HCN3: variants seen among roughly 807,000 people sequenced by gnomAD.
HCN3 encodes the protein potassium/sodium hyperpolarization-activated cyclic nucleotide-gated channel 3.
A neutral mutation model predicts 56.8 loss-of-function variants in HCN3; 36 were observed. The ratio of observed to expected loss-of-function variants is 0.63; its 90% CI spans 0.49 to 0.84. The LOEUF is 0.84. Ranked by LOEUF, HCN3 falls within the 40% of genes least tolerant of loss-of-function variation. HCN3 has a pLI of 0.00. For synonymous variants in HCN3, 425 were observed against 439.7 expected (o/e 0.97, Z 0.42); for missense variants, 930 against 1,079.3 (o/e 0.86, Z 1.94).
Position 155,284,604 on chromosome 1 carries a change from T to C in HCN3, c.936T>C (p.Ile312=). The change falls in exon 4 of 8, where the codon ATT becomes ATC. Residue 312 remains isoleucine (I), a synonymous_variant. Transcript: ENST00000368358. The surrounding 1 kb of genome is among the most constrained non-coding windows in gnomAD (Gnocchi z 4.3). ...AGGCCATGAGCCACATGCTGTGCAT[T>C]GGCTATGGGCAGCAGGCACCTGTAG... ...LFKAMSHMLC[I]GYGQQAPVGM... is the part of the protein sequence containing the mutation. The C allele has an allele frequency of 6.2e-7, 1 of 1,613,972 alleles. No homozygotes were observed. The highest frequency in any genetic ancestry group is 8.5e-7 in the Non-Finnish European group (1 of 1,180,050).
intron 1 of HCN3, among the ~76,000 whole-genome samples, chr1:155,279,262 C>T (rs1356681055): frequency 6.6e-6 from 1 of 152,192 alleles, no homozygotes; most frequent in Non-Finnish European, 1.5e-5. Context: ...CTGAGATTTT[C>T]CTGTGCCATT....
chr1:155,288,180 C>A lies in HCN3; in HGVS notation c.2042C>A (p.Ala681Asp), dbSNP rs772845242. 1.3e-6 allele frequency: 2 copies of A among 1,576,322 alleles called. No homozygotes were observed. The highest frequency in any genetic ancestry group is 1.7e-6 in the Non-Finnish European group (2 of 1,166,274). The change falls in exon 8 of 8, where the codon GCC becomes GAC. Residue 681 changes from alanine to aspartate, a missense_variant. By Grantham distance (126) the Ala-to-Asp change is moderately radical. Coordinates refer to ENST00000368358, the MANE Select transcript of HCN3 (RefSeq NM_020897.3). This position sits in a 1 kb window ranked among gnomAD's most constrained non-coding sequence, Gnocchi z 6.5. ...LPAPPARTLH[A>D]SLSRAGRSQV... ...GCCCCACCTGCCCGAACCCTGCACG[C>A]CAGCCTATCCCGGGCAGGGCGCTCC... is the stretch of plus-strand genomic sequence containing the variant.
Position 155,282,899 on chromosome 1 carries a change from C to T in HCN3, c.708+59C>T, listed in dbSNP as rs1444476939. On this transcript the variant is annotated intron_variant, in intron 2 of 7. Transcript: ENST00000368358. The surrounding 1 kb of genome is among the most constrained non-coding windows in gnomAD (Gnocchi z 4.7). ...TGGGGGATGTTGGGGGAGAAGGGGG[C>T]GGGGCGGCTGGTGGACTTCTCTAGG... 7 of 258,530 alleles carry T rather than the reference C, an allele frequency of 2.7e-5. No homozygotes were observed. The highest frequency in any genetic ancestry group is 1.3e-4 in the Admixed American group (2 of 15,636). The allele number at this position is 258,530 out of a possible 1,614,324, so 16.0% of individuals were successfully genotyped here. A position where few individuals can be genotyped will look rare whatever the true frequency, so the allele number is the denominator to read the frequency against.
rs1040351947 is a variant in HCN3 at position 155,282,180 on chromosome 1, C to A, written c.279-231C>A. Among the ~76,000 whole-genome samples, 1 of 152,172 alleles carries A rather than the reference C, an allele frequency of 6.6e-6. No individual in the cohort carries two copies. The highest frequency in any genetic ancestry group is 2.4e-5 in the African/African-American group (1 of 41,432). ...CATATTTTCCTTGGATGTGTCTATA[C>A]GTAGGAATGGGATTGCTGAGTTGCA... On this transcript the variant is annotated intron_variant, in intron 1 of 7. Transcript: ENST00000368358. The surrounding 1 kb of genome is among the most constrained non-coding windows in gnomAD (Gnocchi z 4.7).
rs1253762512 is a variant in HCN3, at chr1:155,285,182, G to A, written c.1107G>A (p.Gln369=). The A allele has an allele frequency of 1.2e-6, 2 of 1,614,182 alleles. No homozygotes were observed. The change falls in exon 5 of 8, where the codon CAG becomes CAA. Residue 369 remains glutamine (Q), a synonymous_variant. Coordinates refer to ENST00000368358, the MANE Select transcript of HCN3 (RefSeq NM_020897.3). This position sits in a 1 kb window ranked among gnomAD's most constrained non-coding sequence, Gnocchi z 4.5. ...QYQEKYKQVE[Q]YMSFHKLPAD... Reference sequence around the variant, plus strand: ...CCCTCCAGTACAAGCAGGTGGAGCAGTACATGTCCTTCCACAAGCTGCCAG... The same window carrying A: ...CCCTCCAGTACAAGCAGGTGGAGCAATACATGTCCTTCCACAAGCTGCCAG...
At chr1:155,279,070 C>T (rs1387807683) in intron 1 of HCN3, among the ~76,000 whole-genome samples, 1 of 152,184 alleles carries the variant, frequency 6.6e-6, no homozygotes, top group Non-Finnish European at 1.5e-5. Flanking sequence ...AGAAGAATGG[C>T]CGAGGGTTTT....
In HCN3 at chr1:155,287,267, T is replaced by C. The variant is rs1192540409; in HGVS notation, c.1572T>C (p.Ala524=). The C allele has an allele frequency of 6.2e-7, 1 of 1,613,922 alleles. No homozygotes were observed. The highest frequency in any genetic ancestry group is 1.3e-5 in the African/African-American group (1 of 74,874). ...LYSLSVDHFN[A]VLEEFPMMRR... ...CACTCAGCGTGGACCATTTCAATGCTGTGCTTGAGGAGTTCCCCATGATGC... is the reference window on the plus strand; with the variant it reads ...CACTCAGCGTGGACCATTTCAATGCCGTGCTTGAGGAGTTCCCCATGATGC... The change falls in exon 7 of 8, where the codon GCT becomes GCC. Residue 524 remains alanine (A), a synonymous_variant. Transcript: ENST00000368358.
intron 1 of HCN3, among the ~76,000 whole-genome samples, chr1:155,281,557 C>T (rs1162346819): frequency 6.6e-6 from 1 of 151,664 alleles, no homozygotes. Context: ...TTTGTAGAGA[C>T]GAGGTTTTGC....
At position 155,282,357 on chromosome 1, in the gene HCN3, A is replaced by G. The variant is rs1674089965; in HGVS notation, c.279-54A>G. 2.0e-6 allele frequency: 3 copies of G among 1,535,982 alleles called. 1 individual carries two copies. Among genetic ancestry groups the G allele is most frequent in the South Asian group, 2.3e-5 (2 of 86,812 alleles). On this transcript the variant is annotated intron_variant, in intron 1 of 7. Transcript: ENST00000368358. The surrounding 1 kb of genome is among the most constrained non-coding windows in gnomAD (Gnocchi z 4.7). Reference sequence around the variant, plus strand: ...ATGTCAGCCTATCTTCTGTCAGTCTAGTGGCTGGTGAAATATCCTCATGGT... The same window carrying G: ...ATGTCAGCCTATCTTCTGTCAGTCTGGTGGCTGGTGAAATATCCTCATGGT...
chr1:155,284,250 A>T lies in HCN3; in HGVS notation c.870+115A>T, dbSNP rs1674187189. 1.1e-5 allele frequency: 14 copies of T among 1,261,478 alleles called. No homozygotes were observed. The highest frequency in any genetic ancestry group is 1.5e-5 in the Non-Finnish European group (14 of 906,718). The allele number at this position is 1,261,478 out of a possible 1,614,324, so 78.1% of individuals were successfully genotyped here. A position where few individuals can be genotyped will look rare whatever the true frequency, so the allele number is the denominator to read the frequency against. On this transcript the variant is annotated intron_variant, in intron 3 of 7. Coordinates refer to ENST00000368358, the MANE Select transcript of HCN3 (RefSeq NM_020897.3). The surrounding 1 kb of genome is among the most constrained non-coding windows in gnomAD (Gnocchi z 4.3). The stretch of plus-strand genomic sequence containing the variant: ...GGAGATGATCACAACAGAAAATAGG[A>T]GCGAGGAGGTGGGGAGGAGGGAGGA...
At position 155,284,493 on chromosome 1, in the gene HCN3, C is replaced by G; in HGVS notation, c.871-46C>G. On this transcript the variant is annotated intron_variant, in intron 3 of 7. Transcript: ENST00000368358. This position sits in a 1 kb window ranked among gnomAD's most constrained non-coding sequence, Gnocchi z 4.3. ...GAAAAGGGGCAGGCAGAGAATGAGG[C>G]TCCGAGGGGCCCATGCCCAGCTCTG... 1 of 1,554,848 alleles carries G rather than the reference C, an allele frequency of 6.4e-7. No homozygotes were observed. Among genetic ancestry groups the G allele is most frequent in the Non-Finnish European group, 8.8e-7 (1 of 1,138,500 alleles).
chr1:155,285,795 C>A lies in HCN3; in HGVS notation c.1308C>A (p.Phe436Leu). 6.2e-7 allele frequency: 1 copy of A among 1,614,212 alleles called. No homozygotes were observed. The highest frequency in any genetic ancestry group is 8.5e-7 in the Non-Finnish European group (1 of 1,180,026). The change falls in exon 6 of 8, where the codon TTC (phenylalanine) becomes TTA (leucine). Residue 436 changes from phenylalanine (F) to leucine (L), a missense_variant. Phe to Leu is a conservative substitution (Grantham distance 22). Transcript: ENST00000368358. The surrounding 1 kb of genome is among the most constrained non-coding windows in gnomAD (Gnocchi z 4.5). ...TGTTTGCCCATGCCGACCCCAGCTT[C>A]GTCACTGCAGTTCTCACCAAGCTGC... ...MPLFAHADPS[F>L]VTAVLTKLRF...
chr1:155,281,856 G>A (rs1362255190), intron 1 of HCN3, among the ~76,000 whole-genome samples: 1 of 152,168 alleles, frequency 6.6e-6, no homozygotes, highest in African/African-American at 2.4e-5. Flanking sequence ...CTCCTGAGTA[G>A]CTGGGACTTT....
Position 155,284,373 on chromosome 1 carries a change from G to C in HCN3, c.871-166G>C. 1 of 868,666 alleles carries C rather than the reference G, an allele frequency of 1.2e-6. No homozygotes were observed. The highest frequency in any genetic ancestry group is 1.7e-6 in the Non-Finnish European group (1 of 581,460). 53.8% of individuals were successfully genotyped at this position (868,666 alleles called of 1,614,324 possible). ...GCTGAGGCCCCCAAGTTGCAATAGA[G>C]GACCCTTTTGCCTCAGGGCCCCCCA... On this transcript the variant is annotated intron_variant, in intron 3 of 7. Transcript: ENST00000368358. The surrounding 1 kb of genome is among the most constrained non-coding windows in gnomAD (Gnocchi z 4.3).
At chr1:155,287,705 C>T (rs1223178167) in intron 7 of HCN3, 76 bp from the exon 8 acceptor site, 3 of 1,528,308 alleles carry the variant, frequency 2.0e-6, no homozygotes, top group African/African-American at 1.4e-5. Flanking sequence ...CTGATACTCT[C>T]ATACTCTTTG....
intron 6 of HCN3, 32 bp from the exon 7 acceptor site, chr1:155,287,141 G>T: frequency 2.5e-6 from 4 of 1,606,736 alleles, no homozygotes; most frequent in Non-Finnish European, 3.4e-6. Context: ...GGACAAGGAC[G>T]GGGTTCTGAA....
rs762157163 is a variant in HCN3 at position 155,282,513 on chromosome 1, C to G, written c.381C>G (p.Ile127Met). Reference protein sequence around the residue: ...FFKEENSPPWIVFNVLSDTFF... With the variant: ...FFKEENSPPWMVFNVLSDTFF... The stretch of plus-strand genomic sequence containing the variant: ...AGGAGGAGAACTCCCCGCCTTGGAT[C>G]GTCTTCAACGTATTGTCTGATACTT... Residue 127 changes from isoleucine to methionine, a missense_variant, in exon 2 of 8, where the codon ATC becomes ATG. Coordinates refer to ENST00000368358, the MANE Select transcript of HCN3 (RefSeq NM_020897.3). The surrounding 1 kb of genome is among the most constrained non-coding windows in gnomAD (Gnocchi z 4.7). The G allele has an allele frequency of 6.2e-7, 1 of 1,614,236 alleles. No individual in the cohort carries two copies. Among genetic ancestry groups the G allele is most frequent in the Admixed American group, 1.7e-5 (1 of 60,034 alleles).
At chr1:155,281,069 ATT>A (rs1195938967) in intron 1 of HCN3, among the ~76,000 whole-genome samples, 17 of 112,450 alleles carry the variant, frequency 1.5e-4, no homozygotes, top group Non-Finnish European at 1.1e-4. Context: ...CTAATTTTTA[ATT>A]TTTTTTTTTT....
chr1:155,282,421 G>A lies in HCN3; in HGVS notation c.289G>A (p.Asp97Asn). ...TCACTCCCACCTTAGGTTTTACTGG[G>A]ACCTGATCATGCTGCTGCTGATGGT... is the stretch of plus-strand genomic sequence containing the variant. Reference protein sequence around the residue: ...HPYSDFRFYWDLIMLLLMVGN... With the variant: ...HPYSDFRFYWNLIMLLLMVGN... The change falls in exon 2 of 8, where the codon GAC (aspartate) becomes AAC (asparagine). Residue 97 changes from aspartate to asparagine, a missense_variant. By Grantham distance (23) the Asp-to-Asn change is conservative. Transcript: ENST00000368358. The surrounding 1 kb of genome is among the most constrained non-coding windows in gnomAD (Gnocchi z 4.7). The A allele has an allele frequency of 1.2e-6, 2 of 1,614,152 alleles. No homozygotes were observed. Among genetic ancestry groups the A allele is most frequent in the Non-Finnish European group, 1.7e-6 (2 of 1,180,020 alleles).
Sources: allele counts gnomAD v4.1 joint callset (sites outside exome capture counted in the v4.1 genomes callset), GRCh38; gene constraint gnomAD v4.1.1; non-coding constraint Gnocchi (gnomAD v3.1); transcripts MANE v1.5; gene names NCBI Gene and HGNC (gene_info 2026-07-23, HGNC 2026-07-21).